The following UNC5C variants were observed in gnomAD, a reference collection of about 807,000 sequenced individuals.
UNC5C encodes netrin receptor UNC5C.
UNC5C carries 47 observed loss-of-function variants against 99.8 expected under a neutral mutation model. The ratio of observed to expected loss-of-function variants is 0.47; its 90% confidence interval spans 0.37 to 0.60. The LOEUF (loss-of-function observed/expected upper bound fraction) is 0.60, where lower values mean the gene tolerates loss of function less well. UNC5C is among the 20% of genes least tolerant of loss of function. UNC5C has a pLI of 0.00. For synonymous variants in UNC5C, 487 were observed against 452.2 expected (o/e 1.08, Z -0.98); for missense variants, 1,062 against 1,165.9 (o/e 0.91, Z 1.30).
At chr4:95,202,067 C>T (rs1737695810) in intron 12 of UNC5C, among the ~76,000 whole-genome samples, 2 of 152,106 alleles carry the variant, frequency 1.3e-5, no homozygotes, top group Non-Finnish European at 2.9e-5. Context: ...GTAATGATGC[C>T]TCCGTCTCCT....
At chr4:95,266,603 GT>G (rs1740456902) in intron 4 of UNC5C, among the ~76,000 whole-genome samples, 1 of 152,118 alleles carries the variant, frequency 6.6e-6, no homozygotes. Flanking sequence ...TTTTATAATA[GT>G]CAGAACCATT....
At chr4:95,429,280 T>TAAAAAA (rs112203195) in intron 1 of UNC5C, among the ~76,000 whole-genome samples, 1 of 94,954 alleles carries the variant, frequency 1.1e-5, no homozygotes, top group African/African-American at 3.0e-5. Context: ...TAGTGATTCT[T>TAAAAAA]AAAAAAAAAA....
intron 4 of UNC5C, among the ~76,000 whole-genome samples, chr4:95,260,456 G>A (rs1454410278): frequency 6.6e-6 from 1 of 152,158 alleles, no homozygotes; most frequent in Non-Finnish European, 1.5e-5. Context: ...CAGACTTGGT[G>A]ACCTTGCCAC....
chr4:95,341,348 G>A (rs961417836), intron 1 of UNC5C, among the ~76,000 whole-genome samples: 1 of 152,010 alleles, frequency 6.6e-6, no homozygotes, highest in African/African-American at 2.4e-5. Context: ...TACACTGGCT[G>A]GCCAATAGAA....
chr4:95,419,703 C>T (rs1746263968), intron 1 of UNC5C, among the ~76,000 whole-genome samples: 1 of 152,152 alleles, frequency 6.6e-6, no homozygotes, highest in African/African-American at 2.4e-5. Context: ...CCCCCAAACA[C>T]TCAAACTTTT....
chr4:95,413,782 A>C (rs913632437), intron 1 of UNC5C, among the ~76,000 whole-genome samples: 5 of 152,244 alleles, frequency 3.3e-5, no homozygotes, highest in Non-Finnish European at 7.3e-5. Context: ...AGAAGAACAT[A>C]AATATTCTAT....
At chr4:95,365,123 T>C (rs1054206172) in intron 1 of UNC5C, among the ~76,000 whole-genome samples, 6 of 150,844 alleles carry the variant, frequency 4.0e-5, no homozygotes, top group Non-Finnish European at 7.4e-5. Context: ...GGTGAAACCC[T>C]GTCTCTACTA....
At chr4:95,205,658 A>C (rs986985983) in intron 11 of UNC5C, among the ~76,000 whole-genome samples, 12 of 152,296 alleles carry the variant, frequency 7.9e-5, no homozygotes, top group Non-Finnish European at 8.8e-5. Context: ...TATGTTTTAC[A>C]TTTTATACAA....
intron 1 of UNC5C, among the ~76,000 whole-genome samples, chr4:95,365,652 T>C (rs1459793419): frequency 6.6e-6 from 1 of 152,080 alleles, no homozygotes; most frequent in African/African-American, 2.4e-5. Flanking sequence ...AAAGTGCCAA[T>C]TGATCTTTAT....
chr4:95,423,107 C>G (rs1041702509), intron 1 of UNC5C, among the ~76,000 whole-genome samples: 8 of 152,120 alleles, frequency 5.3e-5, no homozygotes, highest in African/African-American at 1.9e-4. Flanking sequence ...CAGACAAATC[C>G]CTTGACAAGC....
chr4:95,443,275 G>C (rs1747003663), intron 1 of UNC5C, among the ~76,000 whole-genome samples: 1 of 152,114 alleles, frequency 6.6e-6, no homozygotes, highest in African/African-American at 2.4e-5. Flanking sequence ...GCCAGGCAAG[G>C]GACATCTTAG....
intron 12 of UNC5C, among the ~76,000 whole-genome samples, chr4:95,192,758 C>T (rs754238983): frequency 1.3e-5 from 2 of 151,426 alleles, no homozygotes; most frequent in African/African-American, 2.4e-5. Context: ...CTCACCCTTG[C>T]CCTGCATAAC....
intron 1 of UNC5C, among the ~76,000 whole-genome samples, chr4:95,391,945 T>C: frequency 6.6e-6 from 1 of 152,026 alleles, no homozygotes; most frequent in Admixed American, 6.6e-5. Context: ...TCGTCCCAGC[T>C]ACTCTGAAGA....
rs1406287216 is a variant in UNC5C, at chr4:95,195,567, T to G, written c.2136+7164A>C. On this transcript the variant is annotated intron_variant, in intron 12 of 15. Transcript: ENST00000453304. ...ACCTAGAAGAAGCAAGCGTGAGGAG[T>G]TCAGAGTTCGGTAAGGTCACAGCTT... 2.0e-5 allele frequency among the ~76,000 whole-genome samples: 3 copies of G among 151,560 alleles called. No homozygotes were observed. The South Asian group carries it at 6.3e-4, about 32-fold the overall frequency.
At chr4:95,205,215 G>A (rs1737830179) in intron 11 of UNC5C, among the ~76,000 whole-genome samples, 1 of 152,140 alleles carries the variant, frequency 6.6e-6, no homozygotes, top group South Asian at 2.1e-4. Context: ...TAATGTCGTT[G>A]TTATTGTAAC....
At chr4:95,321,449 C>T (rs143352521) in intron 2 of UNC5C, among the ~76,000 whole-genome samples, 12 of 152,186 alleles carry the variant, frequency 7.9e-5, no homozygotes, top group South Asian at 4.2e-4. Context: ...GATTCATCTG[C>T]GTGATATAAT....
intron 1 of UNC5C, among the ~76,000 whole-genome samples, chr4:95,501,273 G>A (rs914745166): frequency 6.6e-6 from 1 of 152,060 alleles, no homozygotes; most frequent in African/African-American, 2.4e-5. Flanking sequence ...GAACTAGCTA[G>A]AGGCATTTTT....
At chr4:95,539,091 T>G (rs1319071179) in intron 1 of UNC5C, among the ~76,000 whole-genome samples, 1 of 152,230 alleles carries the variant, frequency 6.6e-6, no homozygotes, top group Non-Finnish European at 1.5e-5. Flanking sequence ...TCAGCCCACA[T>G]GAGAGGTCAC....
At chr4:95,176,951 G>A (rs966691218) in intron 14 of UNC5C, among the ~76,000 whole-genome samples, 2 of 152,100 alleles carry the variant, frequency 1.3e-5, no homozygotes, top group African/African-American at 2.4e-5. Flanking sequence ...CTGGTGTGCC[G>A]TTTTTTAAGC....
Sources: gnomAD v4.1 joint callset for allele counts (sites outside exome capture counted in the v4.1 genomes callset) on GRCh38, gnomAD v4.1.1 for gene constraint, MANE v1.5 for transcripts, NCBI Gene and HGNC (gene_info 2026-07-23, HGNC 2026-07-21) for gene names.